The following ZNF562 variants were observed in gnomAD, a reference collection of about 807,000 sequenced individuals.
The protein encoded by ZNF562 is zinc finger protein 562.
ZNF562 carries 13 observed loss-of-function variants against 17.5 expected under a neutral mutation model. The ratio of observed to expected loss-of-function variants is 0.74; its 90% CI spans 0.48 to 1.18. The LOEUF (loss-of-function observed/expected upper bound fraction) is 1.18, where lower values mean the gene tolerates loss of function less well. ZNF562 is among the 50% of genes most tolerant of loss of function. The pLI, the probability that ZNF562 is intolerant of heterozygous loss-of-function variation, is 0.00. For synonymous variants in ZNF562, 163 were observed against 165.4 expected (o/e 0.99, Z 0.11); for missense variants, 481 against 498.5 (o/e 0.96, Z 0.33).
rs562564519 is a variant in ZNF562 at position 9,662,116 on chromosome 19, G to C, written c.-130-1242C>G. Among the ~76,000 whole-genome samples the C allele has an allele frequency of 3.3e-5, 5 of 152,112 alleles. No homozygotes were observed. In the South Asian group the frequency reaches 1.0e-3, roughly 32 times the overall value. On this transcript the variant is annotated intron_variant, in intron 1 of 5. Coordinates refer to ENST00000453372, the MANE Select transcript of ZNF562 (RefSeq NM_001130031.2). ...TACATTCAAATAATCCTAGTAATTG[G>C]TCTGATATTTGACCCTAGAGCCTGA... is the stretch of plus-strand genomic sequence containing the variant.
chr19:9,660,929 T>G, intron 1 of ZNF562, 55 bp from the exon 2 acceptor site: 1 of 504,722 alleles, frequency 2.0e-6, no homozygotes, highest in Middle Eastern at 3.3e-4. Flanking sequence ...TTGAACATTA[T>G]GCATGAGCTT....
At chr19:9,657,694 G>A (rs577389768) in intron 4 of ZNF562, among the ~76,000 whole-genome samples, 30 of 151,366 alleles carry the variant, frequency 2.0e-4, no homozygotes, top group African/African-American at 7.3e-4. Context: ...CTACAGGCAT[G>A]TGCCACCATG....
intron 1 of ZNF562, among the ~76,000 whole-genome samples, chr19:9,667,544 G>A (rs143075148): frequency 2.5e-4 from 38 of 152,176 alleles, no homozygotes; most frequent in African/African-American, 6.5e-4. Flanking sequence ...AACAAATAAA[G>A]GGCATCTCAA....
rs1433662067 is a variant in ZNF562 at position 9,667,573 on chromosome 19, T to A, written c.-130-6699A>T. ...ATCTCAACTAAAAAAGAAGTCAAAT[T>A]AGCCATGTTTGCCAATGACATGACC... is the stretch of plus-strand genomic sequence containing the variant. On this transcript the variant is annotated intron_variant, in intron 1 of 5. Coordinates refer to ENST00000453372, the MANE Select transcript of ZNF562 (RefSeq NM_001130031.2). Among the ~76,000 whole-genome samples, 3 of 152,066 alleles carry A rather than the reference T, an allele frequency of 2.0e-5. No individual in the cohort carries two copies. In the South Asian group the frequency reaches 6.2e-4, roughly 32 times the overall value.
Position 9,653,229 on chromosome 19 carries a change from T to C in ZNF562, c.1001A>G (p.His334Arg). ...TTTTATTCCAGTGTGAGTTCTTACA[T>C]GTTGAGTAAGGTGAGTTGATCTAGT... Reference protein sequence around the residue: ...AFTRSTHLTQHVRTHTGIKPY... With the variant: ...AFTRSTHLTQRVRTHTGIKPY... The change falls in exon 6 of 6, where the codon CAT becomes CGT. Residue 334 changes from histidine (H) to arginine (R), a missense_variant. Coordinates refer to ENST00000453372, the MANE Select transcript of ZNF562 (RefSeq NM_001130031.2). 1.2e-6 allele frequency: 2 copies of C among 1,614,198 alleles called. No homozygotes were observed. The highest frequency in any genetic ancestry group is 1.7e-6 in the Non-Finnish European group (2 of 1,180,028).
At chr19:9,656,402 G>A (rs1393046478) in intron 5 of ZNF562, 145 bp downstream of exon 5, 33 of 753,788 alleles carry the variant, frequency 4.4e-5, no homozygotes, top group East Asian at 8.2e-5. Context: ...CTAGCTACTC[G>A]GGAGGCTGAG....
chr19:9,657,387 C>T (rs981677784), intron 4 of ZNF562, among the ~76,000 whole-genome samples: 2 of 147,042 alleles, frequency 1.4e-5, no homozygotes, highest in Non-Finnish European at 3.0e-5. Context: ...GAGTGAGACT[C>T]CCTCAAAAAA....
At position 9,652,808 on chromosome 19, in the gene ZNF562, G is replaced by T. The variant is rs1471285845; in HGVS notation, c.*141C>A. 4.3e-6 allele frequency: 3 copies of T among 696,730 alleles called. No individual in the cohort carries two copies. The highest frequency in any genetic ancestry group is 6.8e-6 in the Non-Finnish European group (3 of 441,306). The allele number at this position is 696,730 out of a possible 1,614,324, so 43.2% of individuals were successfully genotyped here. On this transcript the variant is annotated 3_prime_UTR_variant, in exon 6 of 6. Coordinates refer to ENST00000453372, the MANE Select transcript of ZNF562 (RefSeq NM_001130031.2). ...CTTACATTCATAGTATTTCTCCCCA[G>T]TGTGAATTCTTTCATGCATACTTAG...
chr19:9,658,292 A>C (rs1359514777), intron 3 of ZNF562, 157 bp from the exon 4 acceptor site: 1 of 985,324 alleles, frequency 1.0e-6, no homozygotes. Flanking sequence ...TCTTGTGTCT[A>C]AACAATCAAG....
At chr19:9,665,433 A>G (rs948792667) in intron 1 of ZNF562, among the ~76,000 whole-genome samples, 5 of 152,120 alleles carry the variant, frequency 3.3e-5, no homozygotes, top group African/African-American at 1.2e-4. Flanking sequence ...GTTCCCTGGT[A>G]AAAGATCAGT....
intron 1 of ZNF562, among the ~76,000 whole-genome samples, chr19:9,670,089 C>T (rs2044128768): frequency 6.6e-6 from 1 of 151,764 alleles, no homozygotes; most frequent in African/African-American, 2.4e-5. Context: ...AACAAAAAAA[C>T]TTAGCCAGGT....
At position 9,648,721 on chromosome 19, in the gene ZNF562, T is replaced by G. The variant is rs1283339896; in HGVS notation, c.*4228A>C. On this transcript the variant is annotated 3_prime_UTR_variant, in exon 6 of 6. Transcript: ENST00000453372. The stretch of plus-strand genomic sequence containing the variant: ...TCTTGCTATGTTGCCTAAGCTGGTC[T>G]AGAACCCCTGGGCTCAGGCCACCCT... 6.6e-6 allele frequency: 1 copy of G among 151,922 alleles called. No individual in the cohort carries two copies. Among genetic ancestry groups the G allele is most frequent in the Non-Finnish European group, 1.5e-5 (1 of 67,970 alleles). The allele number at this position is 151,922 out of a possible 1,614,324, so 9.4% of individuals were successfully genotyped here.
intron 1 of ZNF562, among the ~76,000 whole-genome samples, chr19:9,669,532 T>C (rs974200320): frequency 2.0e-5 from 3 of 152,110 alleles, no homozygotes; most frequent in African/African-American, 4.8e-5. Flanking sequence ...ACAGCCACTG[T>C]AGAGAACAAT....
intron 1 of ZNF562, among the ~76,000 whole-genome samples, chr19:9,669,734 G>GCACGCGCA (rs2044099640): frequency 9.1e-6 from 1 of 109,302 alleles, no homozygotes; most frequent in African/African-American, 3.6e-5. Context: ...GCGCGCGCGC[G>GCACGCGCA]CACACACACA....
chr19:9,658,530 AGTAG>A (rs1568267802), intron 3 of ZNF562, among the ~76,000 whole-genome samples: 1 of 152,070 alleles, frequency 6.6e-6, no homozygotes, highest in East Asian at 1.9e-4. Flanking sequence ...TTGTATTTTT[AGTAG>A]AAAAGGGGTT....
intron 3 of ZNF562, among the ~76,000 whole-genome samples, chr19:9,658,937 C>T (rs2144990456): frequency 6.6e-6 from 1 of 152,284 alleles, no homozygotes; most frequent in Middle Eastern, 3.4e-3. Context: ...GAATTACAGG[C>T]ATGAGCCACT....
In ZNF562 at chr19:9,651,071, C is replaced by G. The variant is rs1456316868; in HGVS notation, c.*1878G>C. ...ATTCTCTTATGGTTGTCTGAGCTGA[C>G]TAAGGCAGATATTGGTACTGAGAAG... On this transcript the variant is annotated 3_prime_UTR_variant, in exon 6 of 6. Coordinates refer to ENST00000453372, the MANE Select transcript of ZNF562 (RefSeq NM_001130031.2). The G allele has an allele frequency of 6.7e-6, 1 of 150,336 alleles. No individual in the cohort carries two copies. 9.3% of individuals were successfully genotyped at this position (150,336 alleles called of 1,614,324 possible).
chr19:9,653,274 G>A lies in ZNF562; in HGVS notation c.956C>T (p.Thr319Met), dbSNP rs199722422. ...TCTAGTGAAGGCTTTCCCACATTCCGTACATTTGTGTGGTTTTATTCCAGT... is the reference window on the plus strand; with the variant it reads ...TCTAGTGAAGGCTTTCCCACATTCCATACATTTGTGTGGTTTTATTCCAGT... Reference protein sequence around the residue: ...IHTGIKPHKCTECGKAFTRST... With the variant: ...IHTGIKPHKCMECGKAFTRST... Residue 319 changes from threonine (T) to methionine (M), a missense_variant, in exon 6 of 6, where the codon ACG becomes ATG. By Grantham distance (81) the Thr-to-Met change is moderately conservative (BLOSUM62 -1). Coordinates refer to ENST00000453372, the MANE Select transcript of ZNF562 (RefSeq NM_001130031.2). The A allele has an allele frequency of 2.5e-4, 407 of 1,614,022 alleles. 2 individuals are homozygous for A. The highest frequency in any genetic ancestry group is 1.1e-3 in the East Asian group (51 of 44,888).
Position 9,652,939 on chromosome 19 carries a change from T to C in ZNF562, c.*10A>G. ...AGGAATACAGAAATTCTTTCCCACATATCTTGCATTTACCTTTCTCCACTG... is the reference window on the plus strand; with the variant it reads ...AGGAATACAGAAATTCTTTCCCACACATCTTGCATTTACCTTTCTCCACTG... On this transcript the variant is annotated 3_prime_UTR_variant, in exon 6 of 6. Transcript: ENST00000453372. 1.4e-6 allele frequency: 2 copies of C among 1,471,934 alleles called. No individual in the cohort carries two copies. Among genetic ancestry groups the C allele is most frequent in the Non-Finnish European group, 1.8e-6 (2 of 1,111,016 alleles). The allele number at this position is 1,471,934 out of a possible 1,614,324, so 91.2% of individuals were successfully genotyped here.
Sources: allele counts gnomAD v4.1 joint callset (sites outside exome capture counted in the v4.1 genomes callset), GRCh38; gene constraint gnomAD v4.1.1; transcripts MANE v1.5; gene names NCBI Gene and HGNC (gene_info 2026-07-23, HGNC 2026-07-21).